Variants in PTPRD observed in about 807,000 individuals in gnomAD.
PTPRD encodes receptor-type tyrosine-protein phosphatase delta.
Under a neutral mutation model 214.5 loss-of-function variants are expected in PTPRD, and 34 were observed. That is an observed-to-expected ratio of 0.16 (90% CI 0.12 to 0.21). PTPRD has a LOEUF of 0.21. PTPRD is among the 10% of genes least tolerant of loss of function. The pLI is 1.00. For missense variants in PTPRD, 2,545 were observed against 2,398.7 expected, an observed-to-expected ratio of 1.06 and a Z score of -1.27; for synonymous variants, 1,128 against 845.7, an observed-to-expected ratio of 1.33 and a Z score of -5.79.
intron 7 of PTPRD, among the ~76,000 whole-genome samples, chr9:9,714,768 G>C (rs1048967843): frequency 6.6e-6 from 1 of 152,098 alleles, no homozygotes; most frequent in Non-Finnish European, 1.5e-5. Context: ...GGAGGTGAAA[G>C]ATCTAAAAGT....
intron 35 of PTPRD, among the ~76,000 whole-genome samples, chr9:8,414,928 GGGGAGAGAGAGAGAGAGA>G (rs1258752934): frequency 1.4e-5 from 1 of 70,486 alleles, no homozygotes; most frequent in Non-Finnish European, 2.7e-5. Context: ...AGAGAGGGAG[GGGGAGAGAGAGAGAGAGA>G]GAGAGAGAGA....
chr9:10,562,858 T>G (rs892052915), intron 2 of PTPRD, among the ~76,000 whole-genome samples: 3 of 152,260 alleles, frequency 2.0e-5, no homozygotes, highest in Non-Finnish European at 4.4e-5. Context: ...GATACTTGAT[T>G]TATATCATGC....
chr9:8,570,439 C>T (rs2090774915), intron 14 of PTPRD, among the ~76,000 whole-genome samples: 1 of 151,908 alleles, frequency 6.6e-6, no homozygotes, highest in African/African-American at 2.4e-5. Flanking sequence ...TTTCCTTTAA[C>T]AAAAAAGCTT....
At chr9:9,857,481 C>G (rs888032611) in intron 5 of PTPRD, among the ~76,000 whole-genome samples, 5 of 152,116 alleles carry the variant, frequency 3.3e-5, no homozygotes, top group African/African-American at 1.2e-4. Context: ...CATTTTCATC[C>G]TCTCCTATAG....
intron 4 of PTPRD, among the ~76,000 whole-genome samples, chr9:9,947,924 T>A (rs2092998954): frequency 6.6e-6 from 1 of 151,632 alleles, no homozygotes; most frequent in South Asian, 2.1e-4. Flanking sequence ...AGGGAGCAGA[T>A]CAGTAGGGAA....
At chr9:8,509,162 G>T (rs1282633507) in intron 21 of PTPRD, among the ~76,000 whole-genome samples, 2 of 152,056 alleles carry the variant, frequency 1.3e-5, no homozygotes. Context: ...GGAAGCGAAA[G>T]AAGATAAAAG....
intron 2 of PTPRD, among the ~76,000 whole-genome samples, chr9:10,389,027 A>T (rs1002117971): frequency 1.3e-5 from 2 of 151,852 alleles, no homozygotes; most frequent in African/African-American, 2.4e-5. Flanking sequence ...TGGAGTAATC[A>T]TTTGTTGTGA....
At chr9:9,335,407 C>T (rs1240064260) in intron 9 of PTPRD, among the ~76,000 whole-genome samples, 1 of 151,942 alleles carries the variant, frequency 6.6e-6, no homozygotes, top group African/African-American at 2.4e-5. Context: ...AAAATTTTTA[C>T]CTTTATTGTC....
At chr9:9,778,149 T>C (rs1289505157) in intron 5 of PTPRD, among the ~76,000 whole-genome samples, 1 of 151,892 alleles carries the variant, frequency 6.6e-6, no homozygotes, top group Non-Finnish European at 1.5e-5. Flanking sequence ...AAAGCTGTGG[T>C]GGATGGAGAG....
intron 3 of PTPRD, among the ~76,000 whole-genome samples, chr9:10,156,335 T>C (rs1162907971): frequency 6.6e-6 from 1 of 152,154 alleles, no homozygotes. Flanking sequence ...GTGTGTTGTA[T>C]CTTTTCTCTC....
chr9:9,489,033 T>C (rs1378889791), intron 8 of PTPRD, among the ~76,000 whole-genome samples: 1 of 152,218 alleles, frequency 6.6e-6, no homozygotes, highest in African/African-American at 2.4e-5. Flanking sequence ...TTGGCCTAAG[T>C]GATTTCCAGG....
intron 8 of PTPRD, among the ~76,000 whole-genome samples, chr9:9,514,164 A>G (rs986839618): frequency 2.0e-5 from 3 of 152,030 alleles, no homozygotes; most frequent in Non-Finnish European, 4.4e-5. Context: ...CAGACATGCA[A>G]TTTTTAAATT....
At chr9:10,250,513 TC>T (rs2154368924) in intron 3 of PTPRD, among the ~76,000 whole-genome samples, 1 of 152,204 alleles carries the variant, frequency 6.6e-6, no homozygotes, top group East Asian at 1.9e-4. Flanking sequence ...TTCAAGCTTT[TC>T]CCAAAATGAT....
chr9:8,516,591 G>A (rs1161440772), intron 21 of PTPRD, among the ~76,000 whole-genome samples: 1 of 151,884 alleles, frequency 6.6e-6, no homozygotes, highest in Non-Finnish European at 1.5e-5. Flanking sequence ...ATCTAGTACT[G>A]GCATCTGAGA....
intron 7 of PTPRD, among the ~76,000 whole-genome samples, chr9:9,702,661 G>A (rs2097527275): frequency 6.6e-6 from 1 of 152,150 alleles, no homozygotes; most frequent in Admixed American, 6.6e-5. Context: ...CGTGTTTCTT[G>A]AAGTAGACTG....
chr9:10,065,977 A>C (rs2097873267), intron 3 of PTPRD, among the ~76,000 whole-genome samples: 1 of 151,922 alleles, frequency 6.6e-6, no homozygotes, highest in South Asian at 2.1e-4. Flanking sequence ...TGAAGATAGC[A>C]CAAAAGTAGC....
rs1283745491 is a variant in PTPRD at position 9,931,934 on chromosome 9, G to C, written c.-368+6573C>G. On this transcript the variant is annotated intron_variant, in intron 5 of 45. Transcript: ENST00000381196. ...GTCCCTGACCCCTGACCCCCGAGCA[G>C]CCTAACTGGGAGGCACCCCCCAGCA... 7.2e-5 allele frequency among the ~76,000 whole-genome samples: 11 copies of C among 151,886 alleles called. No individual in the cohort carries two copies. In the East Asian group the frequency reaches 1.8e-3, roughly 24 times the overall value.
chr9:9,543,154 T>C (rs1223421974), intron 8 of PTPRD, among the ~76,000 whole-genome samples: 3 of 151,666 alleles, frequency 2.0e-5, no homozygotes. Context: ...TAAAACAACA[T>C]TAATGAGACT....
At chr9:9,845,218 A>G (rs1165765749) in intron 5 of PTPRD, among the ~76,000 whole-genome samples, 1 of 145,086 alleles carries the variant, frequency 6.9e-6, no homozygotes. Context: ...ACTGCTATAT[A>G]TATATATATA....
Sources: gnomAD v4.1 joint callset for allele counts (sites outside exome capture counted in the v4.1 genomes callset) on GRCh38, gnomAD v4.1.1 for gene constraint, MANE v1.5 for transcripts, NCBI Gene and HGNC (gene_info 2026-07-23, HGNC 2026-07-21) for gene names.